The following CERK variants were observed in gnomAD, a reference collection of about 807,000 sequenced individuals.
CERK encodes the protein ceramide kinase.
In CERK, 39 loss-of-function variants were observed where a neutral mutation model predicts 63.4. The observed-to-expected ratio is 0.61, with a 90% CI of 0.48 to 0.80. The LOEUF (loss-of-function observed/expected upper bound fraction) is 0.80. Among genes scored for constraint, CERK ranks in the 30% least tolerant of loss-of-function variants. The pLI, the probability that CERK is intolerant of heterozygous loss-of-function variation, is 0.00. For missense variants in CERK, 670 were observed against 714.1 expected, an observed-to-expected ratio of 0.94 and a Z score of 0.70; for synonymous variants, 302 against 280.0, an observed-to-expected ratio of 1.08 and a Z score of -0.78.
At chr22:46,737,480 T>C (rs2082980570) in intron 1 of CERK, among the ~76,000 whole-genome samples, 1 of 152,108 alleles carries the variant, frequency 6.6e-6, no homozygotes, top group African/African-American at 2.4e-5. Context: ...AATTCCCCCA[T>C]CCCGAGCAGG....
chr22:46,701,816 A>G (rs1043923963), intron 6 of CERK, 106 bp from the exon 7 acceptor site: 1 of 721,852 alleles, frequency 1.4e-6, no homozygotes, highest in East Asian at 2.8e-5. Flanking sequence ...ATGGCCCTAG[A>G]GTCAACACTA....
At chr22:46,719,709 G>A (rs970463532) in intron 3 of CERK, among the ~76,000 whole-genome samples, 1 of 152,146 alleles carries the variant, frequency 6.6e-6, no homozygotes, top group African/African-American at 2.4e-5. Context: ...AGACATGGAC[G>A]CATCCCAGAC....
At chr22:46,722,306 C>T (rs1014937843) in intron 1 of CERK, among the ~76,000 whole-genome samples, 2 of 152,170 alleles carry the variant, frequency 1.3e-5, no homozygotes, top group Admixed American at 6.5e-5. Flanking sequence ...AGTGTCTGAA[C>T]TGGGCCTTTG....
chr22:46,724,625 C>T (rs1044371629), intron 1 of CERK, among the ~76,000 whole-genome samples: 7 of 152,072 alleles, frequency 4.6e-5, no homozygotes, highest in East Asian at 1.9e-4. Flanking sequence ...GGGGGTGGAG[C>T]GATGAACCCC....
intron 3 of CERK, among the ~76,000 whole-genome samples, chr22:46,716,279 C>G (rs943207203): frequency 6.6e-6 from 1 of 151,742 alleles, no homozygotes; most frequent in Non-Finnish European, 1.5e-5. Context: ...CAACCTCCAC[C>G]CCCAGGGTTC....
chr22:46,701,567 G>C, intron 7 of CERK, 69 bp downstream of exon 7: 1 of 1,347,736 alleles, frequency 7.4e-7, no homozygotes, highest in East Asian at 2.5e-5. Flanking sequence ...ACGGGGACCA[G>C]AGTGGGACAG....
At chr22:46,695,476 G>T (rs1357224916) in intron 8 of CERK, among the ~76,000 whole-genome samples, 161 bp from the exon 9 acceptor site, 2 of 152,254 alleles carry the variant, frequency 1.3e-5, no homozygotes, top group Non-Finnish European at 2.9e-5. Context: ...ACCATTGAAG[G>T]CAGTGGCAGG....
chr22:46,709,077 A>G (rs1460750515), intron 5 of CERK, among the ~76,000 whole-genome samples: 1 of 151,990 alleles, frequency 6.6e-6, no homozygotes, highest in Non-Finnish European at 1.5e-5. Context: ...CGTAGCCTAC[A>G]CCTTGCACCG....
rs369374439 is a variant in CERK, at chr22:46,730,328, C to T, written c.142+7679G>A. Among the ~76,000 whole-genome samples the T allele has an allele frequency of 1.5e-4, 23 of 150,948 alleles. 1 individual carries two copies. The South Asian group carries it at 3.8e-3, about 25-fold the overall frequency. ...CCCAGCTACTCAGAAGGCTGAGGCA[C>T]GAGAACTGCTTGAACCCAGGAGGTG... On this transcript the variant is annotated intron_variant, in intron 1 of 12. Coordinates refer to ENST00000216264, the MANE Select transcript of CERK (RefSeq NM_022766.6).
intron 9 of CERK, 110 bp downstream of exon 9, chr22:46,695,100 C>T: frequency 3.1e-6 from 2 of 654,030 alleles, no homozygotes; most frequent in South Asian, 1.8e-5. Flanking sequence ...GGGCACGCTA[C>T]ATCCGGCACC....
intron 3 of CERK, among the ~76,000 whole-genome samples, chr22:46,716,481 A>G (rs9616102): frequency 0.11 from 16,250 of 149,574 alleles, 1,038 homozygotes; most frequent in African/African-American, 0.16. Context: ...GTGAGCCACC[A>G]TGCCCGGCCA....
intron 10 of CERK, among the ~76,000 whole-genome samples, chr22:46,692,421 T>C (rs1169549183): frequency 1.7e-5 from 2 of 115,156 alleles, no homozygotes; most frequent in Non-Finnish European, 3.5e-5. Context: ...AGTAAAACTC[T>C]GTCTTAAAAA....
chr22:46,691,580 G>C lies in CERK; in HGVS notation c.1324C>G (p.Gln442Glu). Residue 442 changes from glutamine (Q) to glutamate (E), a missense_variant, in exon 11 of 13, where the codon CAG (glutamine) becomes GAG (glutamate). Transcript: ENST00000216264. ...AAGAGCACCCCACTTACCTGGTCCT[G>C]CTGGTTGGTGTGCCTGATGAGAAAT... ...LRFLIRHTNQ[Q>E]DQFDFTFVEV... 6.2e-7 allele frequency: 1 copy of C among 1,613,606 alleles called. No homozygotes were observed. The highest frequency in any genetic ancestry group is 1.1e-5 in the South Asian group (1 of 91,004).
rs2082738342 is a variant in CERK at position 46,692,886 on chromosome 22, CAA to C, written c.1126+539_1126+540del. ...TGCCCCTGCACTCTAGCCTGGGCGA[CAA>C]GAGTGAAACTCCATCCAAAAAAAAA... On this transcript the variant is annotated intron_variant, in intron 10 of 12. Coordinates refer to ENST00000216264, the MANE Select transcript of CERK (RefSeq NM_022766.6). 3.8e-5 allele frequency among the ~76,000 whole-genome samples: 3 copies of C among 78,606 alleles called. No homozygotes were observed. The South Asian group carries it at 1.2e-3, about 31-fold the overall frequency. 51.6% of individuals were successfully genotyped at this position (78,606 alleles called of 152,430 possible).
chr22:46,734,875 A>G (rs2082964867), intron 1 of CERK, among the ~76,000 whole-genome samples: 1 of 152,186 alleles, frequency 6.6e-6, no homozygotes. Flanking sequence ...AGCAGGAAAA[A>G]CATTTTTTTA....
chr22:46,724,789 G>A (rs2082909591), intron 1 of CERK, among the ~76,000 whole-genome samples: 2 of 152,186 alleles, frequency 1.3e-5, no homozygotes, highest in South Asian at 4.1e-4. Context: ...GGAGGCTAAG[G>A]TGGGCGGATC....
chr22:46,732,294 G>A lies in CERK; in HGVS notation c.142+5713C>T, dbSNP rs73888635. The stretch of plus-strand genomic sequence containing the variant: ...CCTGGAAGTCCACGCTGGGCTAATC[G>A]CTGAAGCCATTAAGTTGAGATGCAT... On this transcript the variant is annotated intron_variant, in intron 1 of 12. Transcript: ENST00000216264. 1.7e-3 allele frequency among the ~76,000 whole-genome samples: 259 copies of A among 152,280 alleles called. 2 individuals carry two copies. Among genetic ancestry groups the A allele is most frequent in the African/African-American group, 5.8e-3 (243 of 41,556 alleles).
chr22:46,732,545 T>G (rs967095312), intron 1 of CERK, among the ~76,000 whole-genome samples: 1 of 151,768 alleles, frequency 6.6e-6, no homozygotes, highest in East Asian at 1.9e-4. Flanking sequence ...TTCTCTGGGA[T>G]AGATAATCAA....
intron 1 of CERK, among the ~76,000 whole-genome samples, chr22:46,724,953 G>A (rs1273366208): frequency 1.3e-5 from 2 of 152,058 alleles, no homozygotes; most frequent in African/African-American, 2.4e-5. Context: ...CCAGGGAGGC[G>A]GGGCTTGCAG....
Sources: allele counts gnomAD v4.1 joint callset (sites outside exome capture counted in the v4.1 genomes callset), GRCh38; gene constraint gnomAD v4.1.1; transcripts MANE v1.5; gene names NCBI Gene and HGNC (gene_info 2026-07-23, HGNC 2026-07-21).